The following SNTG2 variants were observed in gnomAD, a reference collection of about 807,000 sequenced individuals.
SNTG2 encodes the protein syntrophin gamma 2, also known as gamma-2-syntrophin.
In SNTG2, 74 loss-of-function variants were observed where a neutral mutation model predicts 70.9. The ratio of observed to expected loss-of-function variants is 1.04; its 90% CI spans 0.86 to 1.27. The LOEUF (loss-of-function observed/expected upper bound fraction) is 1.27, where lower values mean the gene tolerates loss of function less well. Among genes scored for constraint, SNTG2 ranks in the 50% most tolerant of loss-of-function variants. SNTG2 has a pLI of 0.00. For synonymous variants in SNTG2, 278 were observed against 273.8 expected, an observed-to-expected ratio of 1.02 and a Z score of -0.15; for missense variants, 717 against 690.7, an observed-to-expected ratio of 1.04 and a Z score of -0.43.
chr2:1,017,654 A>G (rs1659947496), intron 1 of SNTG2, among the ~76,000 whole-genome samples: 1 of 152,238 alleles, frequency 6.6e-6, no homozygotes, highest in Non-Finnish European at 1.5e-5. Flanking sequence ...TGCACACCAT[A>G]GTGTTAAATT....
At chr2:1,076,722 A>G (rs1663941282) in intron 1 of SNTG2, among the ~76,000 whole-genome samples, 1 of 152,232 alleles carries the variant, frequency 6.6e-6, no homozygotes. Flanking sequence ...ATTTATGATT[A>G]TTCTAAATTA....
At chr2:1,326,801 T>A (rs1321996391) in intron 16 of SNTG2, among the ~76,000 whole-genome samples, 2 of 152,166 alleles carry the variant, frequency 1.3e-5, no homozygotes, top group Non-Finnish European at 2.9e-5. Flanking sequence ...CAAGATAAAA[T>A]TTTCATAAAT....
chr2:1,080,776 G>A (rs959913741), intron 1 of SNTG2, among the ~76,000 whole-genome samples: 25 of 152,140 alleles, frequency 1.6e-4, no homozygotes, highest in African/African-American at 5.8e-4. Context: ...ATGTGGGAGG[G>A]GAGGTTGGAA....
chr2:1,252,918 A>G (rs916641477), intron 12 of SNTG2, among the ~76,000 whole-genome samples: 1 of 152,214 alleles, frequency 6.6e-6, no homozygotes, highest in Non-Finnish European at 1.5e-5. Flanking sequence ...TAATGTATTA[A>G]TATTTTTTCT....
chr2:1,134,447 G>T (rs1323539483), intron 4 of SNTG2, among the ~76,000 whole-genome samples: 10 of 134,658 alleles, frequency 7.4e-5, no homozygotes, highest in African/African-American at 2.5e-4. Context: ...TAGATACAGA[G>T]TGTCGACACA....
intron 1 of SNTG2, among the ~76,000 whole-genome samples, chr2:990,743 G>T (rs1661461697): frequency 6.6e-6 from 1 of 151,896 alleles, no homozygotes; most frequent in African/African-American, 2.4e-5. Flanking sequence ...AACCTGGAGA[G>T]AAAGCACATT....
chr2:1,091,114 C>T (rs1192117816), intron 2 of SNTG2, among the ~76,000 whole-genome samples: 9 of 152,050 alleles, frequency 5.9e-5, no homozygotes, highest in Non-Finnish European at 1.2e-4. Flanking sequence ...AGTTGAAGGG[C>T]GATGACAGGC....
At chr2:1,172,942 G>A (rs1671221734) in intron 7 of SNTG2, 150 bp from the exon 8 acceptor site, 1 of 670,896 alleles carries the variant, frequency 1.5e-6, no homozygotes, top group East Asian at 2.6e-5. Flanking sequence ...AAAGTGAGAG[G>A]CCATTGGGGA....
intron 1 of SNTG2, among the ~76,000 whole-genome samples, chr2:1,053,902 C>T (rs1253208416): frequency 2.0e-5 from 3 of 151,942 alleles, no homozygotes; most frequent in Non-Finnish European, 4.4e-5. Flanking sequence ...TCCTCCCTCC[C>T]TCCCTTTGTC....
chr2:1,197,632 G>T lies in SNTG2; in HGVS notation c.592-11471G>T, dbSNP rs114023899. Among the ~76,000 whole-genome samples, 1,274 of 151,276 alleles carry T rather than the reference G, an allele frequency of 8.4e-3. 26 individuals carry two copies. The highest frequency in any genetic ancestry group is 0.029 in the African/African-American group (1,200 of 41,194). Reference sequence around the variant, plus strand: ...GCTTACTGCAGCTTCAACCTTCCTGGGCTCAGGTGATCCTCCCACCTCCTC... The same window carrying T: ...GCTTACTGCAGCTTCAACCTTCCTGTGCTCAGGTGATCCTCCCACCTCCTC... On this transcript the variant is annotated intron_variant, in intron 8 of 16. Transcript: ENST00000308624.
chr2:1,011,889 C>A (rs569080573), intron 1 of SNTG2, among the ~76,000 whole-genome samples: 1 of 152,182 alleles, frequency 6.6e-6, no homozygotes, highest in Non-Finnish European at 1.5e-5. Context: ...CTGCATTACA[C>A]TCATTAGGAA....
chr2:1,320,737 G>A (rs750687840), intron 16 of SNTG2, among the ~76,000 whole-genome samples: 27 of 151,882 alleles, frequency 1.8e-4, no homozygotes, highest in Non-Finnish European at 3.4e-4. Context: ...GTTATTGAAT[G>A]AAGAATTTAC....
chr2:1,022,499 T>G (rs954737600), intron 1 of SNTG2, among the ~76,000 whole-genome samples: 1 of 151,716 alleles, frequency 6.6e-6, no homozygotes, highest in African/African-American at 2.4e-5. Context: ...GTCCCTGAGT[T>G]CCCGAGTCCC....
intron 1 of SNTG2, among the ~76,000 whole-genome samples, chr2:980,669 A>C (rs1186894374): frequency 1.3e-5 from 2 of 151,038 alleles, no homozygotes; most frequent in African/African-American, 4.9e-5. Context: ...TTATAAGGGG[A>C]TAGGCCTAGT....
In SNTG2 at chr2:968,357, T is replaced by A. The variant is rs114536111; in HGVS notation, c.72+17289T>A. Among the ~76,000 whole-genome samples, 932 of 152,300 alleles carry A rather than the reference T, an allele frequency of 6.1e-3. 9 individuals are homozygous for A. Among genetic ancestry groups the A allele is most frequent in the African/African-American group, 0.021 (884 of 41,560 alleles). ...ATTTGTAATACTCTTAATTTAGGTC[T>A]TTTCTGTCTGTTTTTTAAAAATAAA... On this transcript the variant is annotated intron_variant, in intron 1 of 16. Transcript: ENST00000308624.
At chr2:1,361,171 C>T (rs114321677) in intron 16 of SNTG2, among the ~76,000 whole-genome samples, 238 of 152,304 alleles carry the variant, frequency 1.6e-3, no homozygotes, top group Middle Eastern at 6.8e-3. Flanking sequence ...TGGGGGCCAA[C>T]GTGAAGCTTT....
intron 6 of SNTG2, among the ~76,000 whole-genome samples, chr2:1,153,529 A>C (rs753901621): frequency 3.9e-5 from 6 of 152,240 alleles, no homozygotes; most frequent in Non-Finnish European, 7.3e-5. Context: ...AAGTGCGTAC[A>C]CAGTCATCTC....
In SNTG2 at chr2:1,062,495, C is replaced by T. The variant is rs553349783; in HGVS notation, c.73-21023C>T. Among the ~76,000 whole-genome samples, 5 of 151,950 alleles carry T rather than the reference C, an allele frequency of 3.3e-5. No homozygotes were observed. The South Asian group carries it at 6.3e-4, about 19-fold the overall frequency. On this transcript the variant is annotated intron_variant, in intron 1 of 16. Transcript: ENST00000308624. ...AAATAAAAACAAGCTATGCATGGAT[C>T]AATGATCAGAAAGTGGGAAAAATGA... is the stretch of plus-strand genomic sequence containing the variant.
In SNTG2 at chr2:1,319,412, T is replaced by C. The variant is rs78785553; in HGVS notation, c.1488+3037T>C. 3.0e-4 allele frequency among the ~76,000 whole-genome samples: 45 copies of C among 152,308 alleles called. No homozygotes were observed. In the East Asian group the frequency reaches 8.5e-3, roughly 29 times the overall value. ...ACCTAGCTACACTTAGAAATGAGTG[T>C]AGGGCACATAAATATGTCCCAACAA... On this transcript the variant is annotated intron_variant, in intron 16 of 16. Coordinates refer to ENST00000308624, the MANE Select transcript of SNTG2 (RefSeq NM_018968.4).
Sources: allele counts gnomAD v4.1 joint callset (sites outside exome capture counted in the v4.1 genomes callset), GRCh38; gene constraint gnomAD v4.1.1; transcripts MANE v1.5; gene names NCBI Gene and HGNC (gene_info 2026-07-23, HGNC 2026-07-21).